COBL: variants seen among roughly 807,000 people sequenced by gnomAD.
COBL encodes protein cordon-bleu.
A neutral mutation model predicts 98.8 loss-of-function variants in COBL; 51 were observed. The ratio of observed to expected loss-of-function variants is 0.52; its 90% CI spans 0.41 to 0.65. The LOEUF is 0.65. COBL is among the 30% of genes least tolerant of loss of function. The pLI, the probability that COBL is intolerant of heterozygous loss-of-function variation, is 0.00. For synonymous variants in COBL, 634 were observed against 651.7 expected, an observed-to-expected ratio of 0.97 and a Z score of 0.41; for missense variants, 1,617 against 1,617.5, an observed-to-expected ratio of 1.00 and a Z score of 0.01.
At chr7:51,175,336 G>GT (rs1237225706) in intron 5 of COBL, among the ~76,000 whole-genome samples, 55 of 152,308 alleles carry the variant, frequency 3.6e-4, no homozygotes, top group African/African-American at 1.2e-3. Context: ...GTGCATGAAC[G>GT]TGAGTTCTCT....
chr7:51,218,191 C>T (rs1313848036), intron 2 of COBL, among the ~76,000 whole-genome samples: 4 of 152,238 alleles, frequency 2.6e-5, no homozygotes, highest in Non-Finnish European at 5.9e-5. Context: ...TTTTTATTCA[C>T]TTATCTCATA....
chr7:51,230,789 C>A (rs905611733), intron 1 of COBL, among the ~76,000 whole-genome samples: 2 of 152,242 alleles, frequency 1.3e-5, no homozygotes, highest in Non-Finnish European at 2.9e-5. Context: ...CACCCCTCAT[C>A]GCCCACATCG....
intron 4 of COBL, among the ~76,000 whole-genome samples, chr7:51,188,525 C>T (rs143243250): frequency 1.3e-3 from 194 of 152,258 alleles, no homozygotes; most frequent in African/African-American, 3.8e-3. Flanking sequence ...ATGGTCCAGA[C>T]GAAAGGGGTG....
intron 1 of COBL, among the ~76,000 whole-genome samples, chr7:51,237,560 C>A (rs1795383718): frequency 1.4e-5 from 2 of 139,172 alleles, no homozygotes; most frequent in African/African-American, 2.7e-5. Context: ...AAAAAAACTT[C>A]CAAAATAGGA....
At chr7:51,036,620 C>T (rs1788669764) in intron 8 of COBL, among the ~76,000 whole-genome samples, 1 of 152,072 alleles carries the variant, frequency 6.6e-6, no homozygotes, top group African/African-American at 2.4e-5. Context: ...CAGCACAGCT[C>T]CTCACAAAGT....
chr7:51,252,864 C>T (rs774914301), intron 1 of COBL, among the ~76,000 whole-genome samples: 21 of 152,142 alleles, frequency 1.4e-4, no homozygotes, highest in Non-Finnish European at 2.5e-4. Context: ...ATCTTTCACC[C>T]GGTGATTTTA....
chr7:51,276,435 C>T (rs1232932419), intron 1 of COBL, among the ~76,000 whole-genome samples: 1 of 152,218 alleles, frequency 6.6e-6, no homozygotes, highest in Non-Finnish European at 1.5e-5. Flanking sequence ...ACGGGCCATA[C>T]CCAGGGACTG....
At chr7:51,232,366 G>T (rs1008572572) in intron 1 of COBL, among the ~76,000 whole-genome samples, 4 of 152,144 alleles carry the variant, frequency 2.6e-5, no homozygotes, top group Admixed American at 2.6e-4. Context: ...GGGCAGAGTT[G>T]AGAGTTCCCA....
intron 7 of COBL, among the ~76,000 whole-genome samples, chr7:51,078,891 T>C (rs543101319): frequency 6.6e-6 from 1 of 152,358 alleles, no homozygotes; most frequent in South Asian, 2.1e-4. Context: ...CATGTGGGTC[T>C]CCGTAGAGCA....
chr7:51,123,966 A>T (rs1010599451), intron 6 of COBL, among the ~76,000 whole-genome samples: 3 of 152,206 alleles, frequency 2.0e-5, no homozygotes, highest in African/African-American at 7.2e-5. Flanking sequence ...GACATCAGAC[A>T]GGCCCATATT....
chr7:51,259,521 G>C (rs2129146369), intron 1 of COBL: 3 of 667,156 alleles, frequency 4.5e-6, no homozygotes, highest in Non-Finnish European at 5.5e-6. Flanking sequence ...ATTTGTGGTA[G>C]CAAGATGGGC....
chr7:51,136,569 G>T (rs938009120), intron 5 of COBL, among the ~76,000 whole-genome samples: 3 of 152,174 alleles, frequency 2.0e-5, no homozygotes, highest in Non-Finnish European at 4.4e-5. Context: ...TGAAGGCCAT[G>T]GCAGACTCTT....
intron 1 of COBL, among the ~76,000 whole-genome samples, chr7:51,286,326 T>C (rs891734838): frequency 1.4e-5 from 2 of 141,686 alleles, no homozygotes; most frequent in African/African-American, 5.2e-5. Flanking sequence ...CACAAGATAC[T>C]GACTGAAAAA....
intron 6 of COBL, among the ~76,000 whole-genome samples, chr7:51,112,912 A>G (rs1287900715): frequency 2.0e-5 from 3 of 152,200 alleles, no homozygotes. Context: ...TCTTCTTCCC[A>G]TATGTGGCAA....
intron 8 of COBL, 143 bp downstream of exon 8, chr7:51,043,240 A>T (rs1789376402): frequency 1.5e-6 from 1 of 663,926 alleles, no homozygotes; most frequent in African/African-American, 1.8e-5. Flanking sequence ...CATGCCTGAG[A>T]GCAGCTGCTG....
At chr7:51,129,700 A>G (rs1250704778) in intron 6 of COBL, among the ~76,000 whole-genome samples, 3 of 152,066 alleles carry the variant, frequency 2.0e-5, no homozygotes, top group Non-Finnish European at 4.4e-5. Context: ...TCATGGATGC[A>G]GTGACTGCCA....
intron 6 of COBL, among the ~76,000 whole-genome samples, chr7:51,125,982 T>C (rs183503519): frequency 6.6e-6 from 1 of 152,304 alleles, no homozygotes; most frequent in African/African-American, 2.4e-5. Flanking sequence ...TTCTAGACGC[T>C]TCGATTCCAA....
chr7:51,309,354 T>C (rs925226786), intron 1 of COBL, among the ~76,000 whole-genome samples: 3 of 152,156 alleles, frequency 2.0e-5, no homozygotes, highest in African/African-American at 7.2e-5. Context: ...AGCAGGTCTC[T>C]GGGAACGCTG....
chr7:51,123,118 T>C (rs758647289), intron 6 of COBL, among the ~76,000 whole-genome samples: 1 of 152,208 alleles, frequency 6.6e-6, no homozygotes, highest in Non-Finnish European at 1.5e-5. Context: ...CATAACATAC[T>C]GTATGAGCAG....
Sources: gnomAD v4.1 joint callset for allele counts (sites outside exome capture counted in the v4.1 genomes callset) on GRCh38, gnomAD v4.1.1 for gene constraint, MANE v1.5 for transcripts, NCBI Gene and HGNC (gene_info 2026-07-23, HGNC 2026-07-21) for gene names.